Variants in NELL1 observed in about 807,000 individuals in gnomAD.
NELL1 encodes neural EGFL like 1.
NELL1 carries 76 observed loss-of-function variants against 107.4 expected under a neutral mutation model. That is an observed-to-expected ratio of 0.71 (90% CI 0.59 to 0.86). The LOEUF is 0.86. Ranked by LOEUF, NELL1 falls within the 40% of genes least tolerant of loss-of-function variation. NELL1 has a pLI of 0.00. For missense variants in NELL1, 1,024 were observed against 1,005.5 expected (o/e 1.02, Z -0.25); for synonymous variants, 353 against 341.2 (o/e 1.03, Z -0.38).
intron 13 of NELL1, among the ~76,000 whole-genome samples, chr11:21,177,675 T>C (rs537415081): frequency 3.9e-5 from 6 of 151,968 alleles, no homozygotes; most frequent in African/African-American, 1.5e-4. Flanking sequence ...TTATTCTTAG[T>C]TTTTGGAGGG....
At chr11:20,771,881 A>G (rs1000094398) in intron 2 of NELL1, among the ~76,000 whole-genome samples, 3 of 152,224 alleles carry the variant, frequency 2.0e-5, no homozygotes, top group Non-Finnish European at 4.4e-5. Context: ...CGAAACAATA[A>G]TTAAAATGAG....
At chr11:20,994,935 C>T (rs952686653) in intron 12 of NELL1, among the ~76,000 whole-genome samples, 1 of 152,072 alleles carries the variant, frequency 6.6e-6, no homozygotes, top group Non-Finnish European at 1.5e-5. Flanking sequence ...TTTTAACAGC[C>T]CATGTTAGAC....
chr11:21,062,994 A>ATGTG (rs138410271), intron 12 of NELL1, among the ~76,000 whole-genome samples: 6 of 150,848 alleles, frequency 4.0e-5, no homozygotes, highest in East Asian at 3.9e-4. Context: ...AGCCCAGCTA[A>ATGTG]TGTGTGTGTG....
At chr11:20,672,146 C>T (rs1393745970) in intron 1 of NELL1, among the ~76,000 whole-genome samples, 3 of 152,226 alleles carry the variant, frequency 2.0e-5, no homozygotes, top group Non-Finnish European at 4.4e-5. Flanking sequence ...TATCTTGTAG[C>T]TTGAGAGGGT....
At chr11:21,234,845 A>C (rs1858161028) in intron 14 of NELL1, among the ~76,000 whole-genome samples, 2 of 152,230 alleles carry the variant, frequency 1.3e-5, no homozygotes, top group Admixed American at 1.3e-4. Context: ...TCCTGAATTA[A>C]ATAAGTCAAA....
intron 15 of NELL1, among the ~76,000 whole-genome samples, chr11:21,490,912 G>T (rs572595368): frequency 6.6e-6 from 1 of 151,988 alleles, no homozygotes; most frequent in African/African-American, 2.4e-5. Context: ...GGCTAAGACC[G>T]CAACAGCACA....
intron 2 of NELL1, among the ~76,000 whole-genome samples, chr11:20,700,563 G>T (rs1854752342): frequency 6.6e-6 from 1 of 151,942 alleles, no homozygotes; most frequent in South Asian, 2.1e-4. Context: ...CAACATGCAG[G>T]TTTGTTACAT....
chr11:21,222,447 C>T lies in NELL1; in HGVS notation c.1427-6885C>T, dbSNP rs372688171. On this transcript the variant is annotated intron_variant, in intron 13 of 19. Coordinates refer to ENST00000357134, the MANE Select transcript of NELL1 (RefSeq NM_006157.5). ...TCCTGACCTCATGATCTGCCTGCCTCGGCCTCCCAAAGTGCTGGGATTACA... is the reference window on the plus strand; with the variant it reads ...TCCTGACCTCATGATCTGCCTGCCTTGGCCTCCCAAAGTGCTGGGATTACA... Among the ~76,000 whole-genome samples, 11 of 151,792 alleles carry T rather than the reference C, an allele frequency of 7.2e-5. No homozygotes were observed. In the East Asian group the frequency reaches 1.6e-3, roughly 22 times the overall value.
chr11:21,463,611 A>G (rs1853952837), intron 15 of NELL1, among the ~76,000 whole-genome samples: 1 of 152,132 alleles, frequency 6.6e-6, no homozygotes, highest in Non-Finnish European at 1.5e-5. Flanking sequence ...TTCCTAAGCT[A>G]AAGGATAAGA....
At chr11:21,115,808 T>C (rs1259420978) in intron 13 of NELL1, among the ~76,000 whole-genome samples, 1 of 151,956 alleles carries the variant, frequency 6.6e-6, no homozygotes, top group Non-Finnish European at 1.5e-5. Flanking sequence ...CCCACCAACA[T>C]ACACTTACTA....
intron 13 of NELL1, among the ~76,000 whole-genome samples, chr11:21,155,034 A>G (rs1224744362): frequency 1.3e-5 from 2 of 152,186 alleles, no homozygotes; most frequent in Admixed American, 6.6e-5. Context: ...ACTTCTGGTA[A>G]GAGACAGTGG....
intron 3 of NELL1, among the ~76,000 whole-genome samples, chr11:20,795,272 A>G (rs1857148177): frequency 6.6e-6 from 1 of 152,226 alleles, no homozygotes; most frequent in Admixed American, 6.5e-5. Context: ...GTGGGCAGAT[A>G]AAACGAAACA....
chr11:21,261,222 G>A (rs1848524987), intron 14 of NELL1, among the ~76,000 whole-genome samples: 1 of 151,176 alleles, frequency 6.6e-6, no homozygotes. Context: ...TCAAGGTCAG[G>A]GGTACAAGTG....
chr11:21,247,046 C>T (rs924598866), intron 14 of NELL1, among the ~76,000 whole-genome samples: 1 of 152,024 alleles, frequency 6.6e-6, no homozygotes, highest in Admixed American at 6.6e-5. Context: ...TATCTAAACA[C>T]AGTAAAAATG....
At chr11:21,106,419 T>C (rs1854970762) in intron 12 of NELL1, among the ~76,000 whole-genome samples, 1 of 152,190 alleles carries the variant, frequency 6.6e-6, no homozygotes, top group Admixed American at 6.5e-5. Context: ...GAAAATACTA[T>C]ATAAGCACTG....
intron 3 of NELL1, among the ~76,000 whole-genome samples, chr11:20,840,815 A>G (rs957191711): frequency 6.6e-5 from 10 of 152,256 alleles, no homozygotes; most frequent in African/African-American, 2.2e-4. Context: ...TTCGCATTGT[A>G]GAAGAGTATG....
intron 13 of NELL1, among the ~76,000 whole-genome samples, chr11:21,219,547 T>C (rs1199733210): frequency 2.6e-5 from 4 of 152,188 alleles, no homozygotes; most frequent in Non-Finnish European, 5.9e-5. Context: ...CTAAAATCTC[T>C]GCCCATATCA....
At chr11:21,565,482 G>A (rs1856948694) in intron 17 of NELL1, among the ~76,000 whole-genome samples, 1 of 151,812 alleles carries the variant, frequency 6.6e-6, no homozygotes, top group East Asian at 2.0e-4. Context: ...TCTACCCTCA[G>A]TATTTTCTGG....
At chr11:20,988,082 T>C (rs1216661060) in intron 12 of NELL1, among the ~76,000 whole-genome samples, 1 of 152,188 alleles carries the variant, frequency 6.6e-6, no homozygotes, top group Non-Finnish European at 1.5e-5. Context: ...AACTTAAATA[T>C]GTTGTGGTAT....
Sources: allele counts gnomAD v4.1 joint callset (sites outside exome capture counted in the v4.1 genomes callset), GRCh38; gene constraint gnomAD v4.1.1; transcripts MANE v1.5; gene names NCBI Gene and HGNC (gene_info 2026-07-23, HGNC 2026-07-21).